MAST4: variants seen among roughly 807,000 people sequenced by gnomAD.
MAST4 encodes microtubule-associated serine/threonine-protein kinase 4.
Under a neutral mutation model 162.7 loss-of-function variants are expected in MAST4, and 89 were observed. The observed-to-expected ratio is 0.55, with a 90% confidence interval of 0.46 to 0.65. The LOEUF (loss-of-function observed/expected upper bound fraction) is 0.65, where lower values mean the gene tolerates loss of function less well. Ranked by LOEUF, MAST4 falls within the 30% of genes least tolerant of loss-of-function variation. The probability of loss-of-function intolerance (pLI) is 0.00; values close to 1 mark genes in which losing one functional copy is unlikely to be tolerated. For synonymous variants in MAST4, 1,479 were observed against 1,361.1 expected (o/e 1.09, Z -1.91); for missense variants, 3,153 against 3,374.0 (o/e 0.93, Z 1.62).
Position 67,100,557 on chromosome 5 carries a change from G to A in MAST4, c.1035G>A (p.Arg345=). 1.2e-6 allele frequency: 2 copies of A among 1,613,898 alleles called. No homozygotes were observed. The highest frequency in any genetic ancestry group is 1.7e-6 in the Non-Finnish European group (2 of 1,179,844). The change falls in exon 8 of 29, where the codon AGG becomes AGA. Residue 345 remains arginine, a synonymous_variant. Transcript: ENST00000403625. ...TESIATENRC[R]NTPMRPRSRS... ...GCATCGCCACTGAGAACAGATGCAG[G>A]AACACGCCGATGCGCCCCCGTTCCC...
Position 67,104,514 on chromosome 5 carries a change from G to A in MAST4, c.1295G>A (p.Gly432Asp). ...ARDCLDKSHQ[G>D]LITSRYFLEL... The stretch of plus-strand genomic sequence containing the variant: ...GATTGCTTGGATAAATCCCACCAGG[G>A]CCTCATCACCTCACGATACTTCCTT... The change falls in exon 10 of 29, where the codon GGC becomes GAC. Residue 432 changes from glycine to aspartate, a missense_variant. Physicochemically the swap from Gly to Asp is moderately conservative, Grantham distance 94. Around this residue, in one of 7 missense-constraint regions of MAST4, gnomAD observed 360 missense variants for 450.0 expected, o/e 0.80. Transcript: ENST00000403625. The A allele has an allele frequency of 1.2e-6, 2 of 1,613,766 alleles. No homozygotes were observed. Among genetic ancestry groups the A allele is most frequent in the South Asian group, 1.1e-5 (1 of 91,060 alleles).
intron 1 of MAST4, among the ~76,000 whole-genome samples, chr5:66,759,259 C>T (rs758550116): frequency 7.9e-5 from 12 of 152,292 alleles, no homozygotes; most frequent in South Asian, 4.1e-4. Flanking sequence ...CTCTACAGAG[C>T]GACAATCTTC....
chr5:67,120,664 C>A (rs1178320739), intron 13 of MAST4, among the ~76,000 whole-genome samples: 1 of 152,126 alleles, frequency 6.6e-6, no homozygotes, highest in Non-Finnish European at 1.5e-5. Flanking sequence ...CCGGCCCATT[C>A]TTTTTTGGCT....
intron 3 of MAST4, among the ~76,000 whole-genome samples, chr5:66,798,345 G>C (rs1379610348): frequency 6.6e-6 from 1 of 152,126 alleles, no homozygotes; most frequent in African/African-American, 2.4e-5. Context: ...CTAAGTAGTG[G>C]CAGGCATTTT....
chr5:67,089,420 CT>C (rs773783720), intron 5 of MAST4, among the ~76,000 whole-genome samples: 19 of 152,180 alleles, frequency 1.2e-4, no homozygotes, highest in Non-Finnish European at 2.8e-4. Flanking sequence ...CACACCACCC[CT>C]GAAGGCCTGG....
At chr5:66,850,949 G>GAA (rs1561381606) in intron 3 of MAST4, among the ~76,000 whole-genome samples, 1 of 120,476 alleles carries the variant, frequency 8.3e-6, no homozygotes, top group East Asian at 2.6e-4. Flanking sequence ...TTTTTTTGAA[G>GAA]AAAAAAATGC....
chr5:67,087,823 A>G (rs1242831209), intron 5 of MAST4, among the ~76,000 whole-genome samples: 1 of 152,238 alleles, frequency 6.6e-6, no homozygotes, highest in Admixed American at 6.5e-5. Context: ...TTAGTAAGAT[A>G]GAACTAACAC....
chr5:66,835,426 T>C (rs1035990095), intron 3 of MAST4, among the ~76,000 whole-genome samples: 2 of 152,196 alleles, frequency 1.3e-5, no homozygotes, highest in African/African-American at 4.8e-5. Flanking sequence ...GTTAATCTTA[T>C]GGTCCCTTTT....
chr5:66,993,086 G>T (rs918670019), intron 4 of MAST4, among the ~76,000 whole-genome samples: 1 of 152,266 alleles, frequency 6.6e-6, no homozygotes, highest in Admixed American at 6.5e-5. Context: ...CAATAGTGGC[G>T]TTTGGTTCAT....
At chr5:67,010,665 G>A (rs140859671) in intron 4 of MAST4, among the ~76,000 whole-genome samples, 2 of 152,298 alleles carry the variant, frequency 1.3e-5, no homozygotes, top group African/African-American at 4.8e-5. Context: ...CAGGAAAGGA[G>A]ACTTAGTCGG....
Position 67,165,495 on chromosome 5 carries a change from T to G in MAST4, c.6316T>G (p.Ser2106Ala). ...GIESEKSEKL[S>A]SFPSLQKDGA... ...TGAGAGTGAGAAGAGTGAAAAGCTC[T>G]CCAGTTTCCCATCTTTGCAGAAAGA... The change falls in exon 29 of 29, where the codon TCC (serine) becomes GCC (alanine). Residue 2106 changes from serine to alanine, a missense_variant. Coordinates refer to ENST00000403625, the MANE Select transcript of MAST4 (RefSeq NM_001164664.2). 1 of 1,613,910 alleles carries G rather than the reference T, an allele frequency of 6.2e-7. No individual in the cohort carries two copies.
intron 1 of MAST4, among the ~76,000 whole-genome samples, chr5:66,747,152 A>G (rs988154063): frequency 6.6e-6 from 1 of 151,486 alleles, no homozygotes; most frequent in Non-Finnish European, 1.5e-5. Context: ...GTGTAGAGAA[A>G]AGGAATTGAC....
intron 12 of MAST4, among the ~76,000 whole-genome samples, chr5:67,115,478 A>G (rs1766788276): frequency 1.3e-5 from 2 of 152,206 alleles, no homozygotes; most frequent in South Asian, 2.1e-4. Flanking sequence ...GAAATGATGC[A>G]TGCATTACTG....
chr5:66,827,471 TG>T (rs1055429237), intron 3 of MAST4, among the ~76,000 whole-genome samples: 1 of 152,228 alleles, frequency 6.6e-6, no homozygotes, highest in Non-Finnish European at 1.5e-5. Context: ...TTTTCCTCAG[TG>T]GTTAGATTCA....
At chr5:67,137,622 C>T (rs934951865) in intron 19 of MAST4, among the ~76,000 whole-genome samples, 9 of 152,270 alleles carry the variant, frequency 5.9e-5, no homozygotes, top group Middle Eastern at 3.4e-3. Flanking sequence ...ATTCACCCAC[C>T]GATTCTCCTG....
At chr5:66,734,292 T>G (rs1380296174) in intron 1 of MAST4, among the ~76,000 whole-genome samples, 1 of 152,150 alleles carries the variant, frequency 6.6e-6, no homozygotes, top group Non-Finnish European at 1.5e-5. Flanking sequence ...TAATAGATAT[T>G]AGGAACTTGG....
At chr5:66,668,284 C>T (rs1488354283) in intron 1 of MAST4, among the ~76,000 whole-genome samples, 1 of 152,174 alleles carries the variant, frequency 6.6e-6, no homozygotes, top group Non-Finnish European at 1.5e-5. Flanking sequence ...TCCCGAGAGT[C>T]TTGTTTACAG....
At chr5:66,988,839 A>G (rs542202621) in intron 4 of MAST4, among the ~76,000 whole-genome samples, 1 of 152,370 alleles carries the variant, frequency 6.6e-6, no homozygotes, top group African/African-American at 2.4e-5. Flanking sequence ...ATCAAAATTT[A>G]TACCATAATT....
At chr5:66,784,193 CCATAGG>C (rs1610882) in intron 2 of MAST4, among the ~76,000 whole-genome samples, 23,324 of 151,960 alleles carry the variant, frequency 0.15, 2,046 homozygotes, top group East Asian at 0.44. Flanking sequence ...CTGACCTGGG[CCATAGG>C]AACTACCATC....
Sources: allele counts gnomAD v4.1 joint callset (sites outside exome capture counted in the v4.1 genomes callset), GRCh38; gene constraint gnomAD v4.1.1; regional missense constraint gnomAD v4.1.1; transcripts MANE v1.5; gene names NCBI Gene and HGNC (gene_info 2026-07-23, HGNC 2026-07-21).